The following GALNTL6 variants were observed in gnomAD, a reference collection of about 807,000 sequenced individuals.
GALNTL6 encodes polypeptide N-acetylgalactosaminyltransferase like 6.
In GALNTL6, 46 loss-of-function variants were observed where a neutral mutation model predicts 73.7. That is an observed-to-expected ratio of 0.62 (90% CI 0.49 to 0.80). The LOEUF is 0.80. Among genes scored for constraint, GALNTL6 ranks in the 30% least tolerant of loss-of-function variants. The pLI is 0.00. For missense variants in GALNTL6, 604 were observed against 755.0 expected (o/e 0.80, Z 2.34); for synonymous variants, 259 against 263.7 (o/e 0.98, Z 0.17).
chr4:172,240,081 G>T (rs1374877787), intron 3 of GALNTL6, among the ~76,000 whole-genome samples: 2 of 152,164 alleles, frequency 1.3e-5, no homozygotes, highest in East Asian at 3.8e-4. Context: ...GGACTCTTGT[G>T]TGAGGTTGGG....
intron 10 of GALNTL6, among the ~76,000 whole-genome samples, chr4:172,992,705 C>G (rs980727962): frequency 6.6e-6 from 1 of 152,120 alleles, no homozygotes; most frequent in Non-Finnish European, 1.5e-5. Context: ...ATACCTCAAA[C>G]GTCAGTCTTA....
chr4:172,628,225 T>C (rs1027912111), intron 5 of GALNTL6, among the ~76,000 whole-genome samples: 2 of 152,158 alleles, frequency 1.3e-5, no homozygotes, highest in Admixed American at 1.3e-4. Flanking sequence ...TCAACATCAG[T>C]ATTCTTTTAT....
intron 2 of GALNTL6, among the ~76,000 whole-genome samples, chr4:172,021,914 T>C (rs35011519): frequency 0.016 from 2,465 of 152,108 alleles, 69 homozygotes; most frequent in African/African-American, 0.056. Flanking sequence ...ATTCCTATGC[T>C]TTCCATAGGC....
At chr4:172,746,803 A>C (rs1737132031) in intron 5 of GALNTL6, among the ~76,000 whole-genome samples, 1 of 152,090 alleles carries the variant, frequency 6.6e-6, no homozygotes, top group South Asian at 2.1e-4. Context: ...AAGAACGCCC[A>C]TTTTCACCAC....
intron 7 of GALNTL6, among the ~76,000 whole-genome samples, chr4:172,836,857 C>T (rs2058177715): frequency 6.6e-6 from 1 of 152,122 alleles, no homozygotes; most frequent in African/African-American, 2.4e-5. Context: ...AATTGCCGAG[C>T]TGTAATTCTG....
At chr4:172,413,159 T>C (rs553291993) in intron 5 of GALNTL6, among the ~76,000 whole-genome samples, 1 of 152,296 alleles carries the variant, frequency 6.6e-6, no homozygotes, top group South Asian at 2.1e-4. Context: ...CCTGATTGAC[T>C]TAAACAGGGT....
intron 2 of GALNTL6, among the ~76,000 whole-genome samples, chr4:172,074,692 C>A (rs1731651058): frequency 6.6e-6 from 1 of 152,092 alleles, no homozygotes; most frequent in African/African-American, 2.4e-5. Context: ...CCCTACCCTT[C>A]TTATAAAAGT....
chr4:171,840,446 G>A (rs555947), intron 2 of GALNTL6, among the ~76,000 whole-genome samples: 39,431 of 152,012 alleles, frequency 0.26, 5,343 homozygotes, highest in African/African-American at 0.32. Flanking sequence ...GGCATGCTGT[G>A]ACCCTTAGCA....
At chr4:172,869,998 G>A (rs927327651) in intron 7 of GALNTL6, among the ~76,000 whole-genome samples, 10 of 151,752 alleles carry the variant, frequency 6.6e-5, no homozygotes, top group African/African-American at 2.4e-4. Context: ...TTTTCCCTCA[G>A]TCCACACACC....
intron 5 of GALNTL6, among the ~76,000 whole-genome samples, chr4:172,569,671 A>G (rs1041121952): frequency 4.1e-4 from 62 of 152,058 alleles, no homozygotes; most frequent in Non-Finnish European, 7.3e-5. Flanking sequence ...ACATCAAAGG[A>G]AAAGCTAGAA....
intron 9 of GALNTL6, among the ~76,000 whole-genome samples, chr4:172,935,137 T>A (rs1477386625): frequency 6.6e-6 from 1 of 152,044 alleles, no homozygotes; most frequent in Non-Finnish European, 1.5e-5. Context: ...CCCATGAGAG[T>A]TTCCTTGGAG....
At chr4:172,707,014 T>C (rs1205287508) in intron 5 of GALNTL6, among the ~76,000 whole-genome samples, 1 of 152,110 alleles carries the variant, frequency 6.6e-6, no homozygotes, top group Non-Finnish European at 1.5e-5. Context: ...AAGGAACCCA[T>C]GATGGTGGGG....
At position 172,991,098 on chromosome 4, in the gene GALNTL6, T is replaced by C. The variant is rs913019212; in HGVS notation, c.1372-18080T>C. ...AACACTTGGTATCATAAAATAGAAT[T>C]CCATGTCACTATAAGTAATTTCTTT... is the stretch of plus-strand genomic sequence containing the variant. On this transcript the variant is annotated intron_variant, in intron 10 of 12. Coordinates refer to ENST00000506823, the MANE Select transcript of GALNTL6 (RefSeq NM_001034845.3). 3.3e-5 allele frequency among the ~76,000 whole-genome samples: 5 copies of C among 152,250 alleles called. No homozygotes were observed. In the East Asian group the frequency reaches 9.6e-4, roughly 29 times the overall value.
intron 10 of GALNTL6, among the ~76,000 whole-genome samples, 189 bp downstream of exon 10, chr4:172,952,447 T>A (rs7684117): frequency 0.37 from 56,771 of 152,118 alleles, 11,668 homozygotes; most frequent in East Asian, 0.47. Flanking sequence ...GCTTCAGAGT[T>A]GATAGCCTAA....
At chr4:172,435,131 T>A (rs1484415546) in intron 5 of GALNTL6, among the ~76,000 whole-genome samples, 1 of 152,144 alleles carries the variant, frequency 6.6e-6, no homozygotes, top group African/African-American at 2.4e-5. Context: ...ATTATTATAA[T>A]AGGTTCCTTA....
At chr4:172,054,350 A>T (rs1267592550) in intron 2 of GALNTL6, among the ~76,000 whole-genome samples, 2 of 152,196 alleles carry the variant, frequency 1.3e-5, no homozygotes, top group Admixed American at 1.3e-4. Context: ...TACATACTTT[A>T]TTTACATGAA....
intron 3 of GALNTL6, among the ~76,000 whole-genome samples, chr4:172,241,394 A>C (rs550040952): frequency 6.6e-6 from 1 of 152,342 alleles, no homozygotes; most frequent in East Asian, 1.9e-4. Flanking sequence ...TAAGAAAAAA[A>C]ATGTAAAAGG....
intron 5 of GALNTL6, among the ~76,000 whole-genome samples, chr4:172,725,301 G>C (rs952937672): frequency 2.6e-5 from 4 of 152,020 alleles, no homozygotes; most frequent in African/African-American, 9.7e-5. Flanking sequence ...AAGTATTTTG[G>C]CTCTCCGTGC....
At chr4:172,187,519 A>G (rs1243167711) in intron 2 of GALNTL6, among the ~76,000 whole-genome samples, 1 of 152,094 alleles carries the variant, frequency 6.6e-6, no homozygotes, top group African/African-American at 2.4e-5. Context: ...CTATATTTCA[A>G]AAGACTTCAT....
Sources: gnomAD v4.1 joint callset for allele counts (sites outside exome capture counted in the v4.1 genomes callset) on GRCh38, gnomAD v4.1.1 for gene constraint, MANE v1.5 for transcripts, NCBI Gene and HGNC (gene_info 2026-07-23, HGNC 2026-07-21) for gene names.